The following EDRF1 variants were observed in gnomAD, a reference collection of about 807,000 sequenced individuals.
EDRF1 encodes the protein erythroid differentiation regulatory factor 1.
A neutral mutation model predicts 148.7 loss-of-function variants in EDRF1; 69 were observed. The observed-to-expected ratio is 0.46, with a 90% confidence interval of 0.38 to 0.57. EDRF1 has a LOEUF of 0.57. EDRF1 is among the 20% of genes least tolerant of loss of function. The pLI, the probability that EDRF1 is intolerant of heterozygous loss-of-function variation, is 0.00. For missense variants in EDRF1, 1,118 were observed against 1,478.7 expected, an observed-to-expected ratio of 0.76 and a Z score of 4.00; for synonymous variants, 515 against 532.8, an observed-to-expected ratio of 0.97 and a Z score of 0.46.
intron 9 of EDRF1, chr10:125,731,959 G>A: frequency 2.3e-6 from 1 of 426,828 alleles, no homozygotes; most frequent in South Asian, 1.6e-5. Flanking sequence ...GTAGTGAGTG[G>A]CGGTGCCAGT....
At chr10:125,750,395 A>G (rs964501007) in intron 22 of EDRF1, 1 of 152,236 alleles carries the variant, frequency 6.6e-6, no homozygotes, top group African/African-American at 2.4e-5. Flanking sequence ...TACTTCAACC[A>G]CTTAATGATT....
intron 24 of EDRF1, among the ~76,000 whole-genome samples, chr10:125,758,236 C>A (rs1188711622): frequency 6.6e-6 from 1 of 152,180 alleles, no homozygotes; most frequent in Admixed American, 6.5e-5. Context: ...CCAATCTGAC[C>A]TTGCGTGGCA....
rs1021822873 is a variant in EDRF1 at position 125,756,981 on chromosome 10, T to G, written c.3545+3136T>G. The G allele has an allele frequency of 9.8e-6, 4 of 408,432 alleles. No individual in the cohort carries two copies. In the Admixed American group the frequency reaches 1.2e-4, roughly 12 times the overall value. The allele number at this position is 408,432 out of a possible 1,614,324, so 25.3% of individuals were successfully genotyped here. Reference sequence around the variant, plus strand: ...GTGTGCCCCACGACACCCAACTAATTTTTTAATTTTTTGTAGAGATGGGGT... The same window carrying G: ...GTGTGCCCCACGACACCCAACTAATGTTTTAATTTTTTGTAGAGATGGGGT... On this transcript the variant is annotated intron_variant, in intron 24 of 24. Coordinates refer to ENST00000356792, the MANE Select transcript of EDRF1 (RefSeq NM_001202438.2).
rs1308448647 is a variant in EDRF1 at position 125,763,780 on chromosome 10, T to A, written c.*308T>A. ...CACTTTCACGTATTTTTGAAGTATGTCAAGCTACACGGGTCTAAGATATGA... is the reference window on the plus strand; with the variant it reads ...CACTTTCACGTATTTTTGAAGTATGACAAGCTACACGGGTCTAAGATATGA... On this transcript the variant is annotated 3_prime_UTR_variant, in exon 25 of 25. Coordinates refer to ENST00000356792, the MANE Select transcript of EDRF1 (RefSeq NM_001202438.2). This position sits in a 1 kb window ranked among gnomAD's most constrained non-coding sequence, Gnocchi z 4.3. The A allele has an allele frequency of 2.4e-6, 1 of 415,896 alleles. No individual in the cohort carries two copies. Among genetic ancestry groups the A allele is most frequent in the Non-Finnish European group, 4.5e-6 (1 of 224,572 alleles). The allele number at this position is 415,896 out of a possible 1,614,324, so 25.8% of individuals were successfully genotyped here. A position where few individuals can be genotyped will look rare whatever the true frequency, so the allele number is the denominator to read the frequency against.
chr10:125,730,668 T>A (rs6597725), intron 9 of EDRF1, among the ~76,000 whole-genome samples: 110,796 of 152,058 alleles, frequency 0.73, 40,817 homozygotes, highest in East Asian at 0.89. Flanking sequence ...AATGCCAAGC[T>A]CTCATTAATA....
chr10:125,725,485 C>T, intron 5 of EDRF1, 43 bp downstream of exon 5: 3 of 1,611,056 alleles, frequency 1.9e-6, no homozygotes, highest in South Asian at 1.1e-5. Context: ...AAAGGGAATT[C>T]TGATCTAAAA....
chr10:125,724,265 A>G (rs922491837), intron 4 of EDRF1, among the ~76,000 whole-genome samples: 18 of 152,260 alleles, frequency 1.2e-4, no homozygotes, highest in African/African-American at 4.3e-4. Flanking sequence ...TCCCTTAAAC[A>G]GATTCTCAGG....
In EDRF1 at chr10:125,740,551, C is replaced by G. The variant is rs372029528; in HGVS notation, c.2070C>G (p.Leu690=). The G allele has an allele frequency of 1.9e-6, 3 of 1,614,126 alleles. No homozygotes were observed. The highest frequency in any genetic ancestry group is 2.5e-6 in the Non-Finnish European group (3 of 1,180,006). Residue 690 remains leucine (L), a synonymous_variant, in exon 16 of 25, where the codon CTC becomes CTG. Transcript: ENST00000356792. The part of the protein sequence containing the change: ...WQHKMKLQLI[L]KSSKAYYVLS... ...ATAAAATGAAACTTCAGCTGATTCT[C>G]AAGTCATCAAAGGCCTATTATGTTT...
At chr10:125,737,821 G>C (rs1245845290) in intron 13 of EDRF1, 97 bp from the exon 14 acceptor site, 1 of 1,213,592 alleles carries the variant, frequency 8.2e-7, no homozygotes, top group African/African-American at 1.5e-5. Flanking sequence ...CAAGATTTTT[G>C]TTGATAATGC....
chr10:125,742,159 T>G, intron 17 of EDRF1: 1 of 1,156,622 alleles, frequency 8.6e-7, no homozygotes, highest in Non-Finnish European at 1.2e-6. Context: ...GATCATTGTT[T>G]TTAAAGTTAG....
intron 17 of EDRF1, chr10:125,742,739 C>A (rs914918123): frequency 2.0e-6 from 2 of 984,932 alleles, no homozygotes; most frequent in Admixed American, 6.2e-5. Flanking sequence ...AAAATAGCAA[C>A]TTTACTTTGT....
Position 125,749,433 on chromosome 10 carries a change from AAAC to A in EDRF1, c.3150_3152del (p.Gln1050del). On this transcript the variant is annotated inframe_deletion, in exon 22 of 25. Transcript: ENST00000356792. ...CTAGGTTGGTGATGAACACCTTAGG[AAAC>A]AACACCGGGTGCTGGCAGATCTTCA... is the stretch of plus-strand genomic sequence containing the variant. 1 of 1,614,208 alleles carries A rather than the reference AAAC, an allele frequency of 6.2e-7. No homozygotes were observed. Among genetic ancestry groups the A allele is most frequent in the Non-Finnish European group, 8.5e-7 (1 of 1,180,036 alleles).
At chr10:125,762,122 G>C (rs1850220516) in intron 24 of EDRF1, among the ~76,000 whole-genome samples, 1 of 152,184 alleles carries the variant, frequency 6.6e-6, no homozygotes, top group Non-Finnish European at 1.5e-5. Context: ...TGGGGATCCT[G>C]TGGAGGAGGA....
intron 13 of EDRF1, among the ~76,000 whole-genome samples, chr10:125,736,514 A>T (rs1848742309): frequency 6.6e-6 from 1 of 152,138 alleles, no homozygotes; most frequent in Non-Finnish European, 1.5e-5. Flanking sequence ...GCCAGCCTTA[A>T]GAGTTCTGGC....
chr10:125,721,967 G>A (rs1284157873), intron 2 of EDRF1, among the ~76,000 whole-genome samples: 1 of 152,166 alleles, frequency 6.6e-6, no homozygotes, highest in African/African-American at 2.4e-5. Context: ...TTAATGTGTA[G>A]GGTTCTCTTT....
chr10:125,729,501 C>A, intron 8 of EDRF1, 22 bp downstream of exon 8: 1 of 1,613,956 alleles, frequency 6.2e-7, no homozygotes, highest in Non-Finnish European at 8.5e-7. Context: ...TCATACCCCT[C>A]CTCAAGCTTA....
At chr10:125,745,610 C>T in intron 18 of EDRF1, 97 bp from the exon 19 acceptor site, 3 of 1,291,896 alleles carry the variant, frequency 2.3e-6, no homozygotes, top group Non-Finnish European at 1.1e-6. Flanking sequence ...CACCACACTC[C>T]TGTCACTGCC....
At chr10:125,756,975 A>G (rs1364873105) in intron 24 of EDRF1, 1 of 405,290 alleles carries the variant, frequency 2.5e-6, no homozygotes. Flanking sequence ...ACGACACCCA[A>G]CTAATTTTTT....
chr10:125,753,618 C>A, intron 23 of EDRF1, 76 bp from the exon 24 acceptor site: 2 of 1,471,882 alleles, frequency 1.4e-6, no homozygotes, highest in Non-Finnish European at 1.9e-6. Flanking sequence ...AATGAAACTG[C>A]AGTTCCATCA....
Sources: gnomAD v4.1 joint callset for allele counts (sites outside exome capture counted in the v4.1 genomes callset) on GRCh38, gnomAD v4.1.1 for gene constraint, Gnocchi (gnomAD v3.1) non-coding constraint, MANE v1.5 for transcripts, NCBI Gene and HGNC (gene_info 2026-07-23, HGNC 2026-07-21) for gene names.